Variants in NCOA2 observed in about 807,000 individuals in gnomAD.
NCOA2 encodes nuclear receptor coactivator 2.
Under a neutral mutation model 145.1 loss-of-function variants are expected in NCOA2, and 21 were observed. The observed-to-expected ratio is 0.14, with a 90% CI of 0.10 to 0.21. The LOEUF (loss-of-function observed/expected upper bound fraction) is 0.21. Ranked by LOEUF, NCOA2 falls within the 10% of genes least tolerant of loss-of-function variation. The pLI is 1.00. For missense variants in NCOA2, 1,472 were observed against 1,837.6 expected (o/e 0.80, Z 3.64); for synonymous variants, 619 against 637.5 (o/e 0.97, Z 0.44).
intron 19 of NCOA2, among the ~76,000 whole-genome samples, chr8:70,125,674 T>C (rs1349457368): frequency 6.6e-6 from 1 of 152,228 alleles, no homozygotes; most frequent in African/African-American, 2.4e-5. Context: ...TGGATCCACC[T>C]TTAAAAATAA....
intron 1 of NCOA2, among the ~76,000 whole-genome samples, chr8:70,321,381 A>G (rs1806043890): frequency 6.6e-6 from 1 of 151,354 alleles, no homozygotes; most frequent in Non-Finnish European, 1.5e-5. Flanking sequence ...GCTAATCTTG[A>G]ACCCCTGAGC....
chr8:70,255,185 A>T (rs1422455163), intron 2 of NCOA2, among the ~76,000 whole-genome samples: 1 of 152,190 alleles, frequency 6.6e-6, no homozygotes, highest in African/African-American at 2.4e-5. Flanking sequence ...CAATGATTGG[A>T]ACCCCCGAGT....
chr8:70,154,697 C>A (rs1279629490), intron 11 of NCOA2, among the ~76,000 whole-genome samples: 1 of 152,148 alleles, frequency 6.6e-6, no homozygotes, highest in Non-Finnish European at 1.5e-5. Context: ...GCCACCTCAC[C>A]CAGTCTGTTT....
At chr8:70,226,658 ATT>A (rs1820672518) in intron 2 of NCOA2, among the ~76,000 whole-genome samples, 1 of 59,868 alleles carries the variant, frequency 1.7e-5, no homozygotes, top group Non-Finnish European at 4.2e-5. Flanking sequence ...TGTTTTAATT[ATT>A]TATATATATA....
chr8:70,310,290 G>C (rs2135991361), intron 1 of NCOA2, among the ~76,000 whole-genome samples: 1 of 142,990 alleles, frequency 7.0e-6, no homozygotes, highest in South Asian at 2.2e-4. Context: ...GTTGCAGTGA[G>C]CCAAGATCAC....
At position 70,383,986 on chromosome 8, in the gene NCOA2, T is replaced by C. The variant is rs562256548; in HGVS notation, c.-77+19714A>G. On this transcript the variant is annotated intron_variant, in intron 1 of 22. Transcript: ENST00000452400. ...ATCAGGGAATTTAGCTATACCAAGT[T>C]TTCCATCACCTCTGAGAACATCAGT... Among the ~76,000 whole-genome samples the C allele has an allele frequency of 2.6e-5, 4 of 152,340 alleles. No homozygotes were observed. In the Middle Eastern group the frequency reaches 0.014, roughly 518 times the overall value.
At chr8:70,227,425 G>C (rs982177718) in intron 2 of NCOA2, among the ~76,000 whole-genome samples, 1 of 152,156 alleles carries the variant, frequency 6.6e-6, no homozygotes, top group African/African-American at 2.4e-5. Context: ...TTCCTTTCTA[G>C]GGTGAGTGTG....
intron 12 of NCOA2, among the ~76,000 whole-genome samples, chr8:70,147,363 G>T (rs764177591): frequency 6.6e-6 from 1 of 152,150 alleles, no homozygotes; most frequent in Admixed American, 6.5e-5. Context: ...AAAAGACCTA[G>T]CAATGAAAGA....
At chr8:70,233,815 G>C (rs2977988) in intron 2 of NCOA2, among the ~76,000 whole-genome samples, 108,571 of 152,004 alleles carry the variant, frequency 0.71, 41,013 homozygotes, top group Non-Finnish European at 0.84. Context: ...CATCTGGCTA[G>C]TTCTCTCCTC....
intron 2 of NCOA2, among the ~76,000 whole-genome samples, chr8:70,229,947 G>A (rs1442273898): frequency 6.6e-6 from 1 of 152,172 alleles, no homozygotes; most frequent in Admixed American, 6.5e-5. Flanking sequence ...GAGGGAGAAG[G>A]AAAAGAAGAG....
chr8:70,231,103 C>T (rs1321817873), intron 2 of NCOA2, among the ~76,000 whole-genome samples: 2 of 152,200 alleles, frequency 1.3e-5, no homozygotes, highest in African/African-American at 4.8e-5. Flanking sequence ...ATCAAAGGGT[C>T]TGACCATATT....
At chr8:70,347,717 C>T (rs1380747901) in intron 1 of NCOA2, among the ~76,000 whole-genome samples, 4 of 152,056 alleles carry the variant, frequency 2.6e-5, no homozygotes, top group Non-Finnish European at 5.9e-5. Flanking sequence ...AGCCCCGCTA[C>T]AGCACAATCA....
chr8:70,408,754 G>GGT (rs1251666132), upstream of NCOA2, among the ~76,000 whole-genome samples: 5 of 151,440 alleles, frequency 3.3e-5, no homozygotes, highest in African/African-American at 7.3e-5. Context: ...CAGGAATACA[G>GGT]GTGTGTGCCA....
At chr8:70,165,260 T>C (rs943728004) in intron 7 of NCOA2, among the ~76,000 whole-genome samples, 1 of 152,228 alleles carries the variant, frequency 6.6e-6, no homozygotes, top group Non-Finnish European at 1.5e-5. Flanking sequence ...AGCTCTAATA[T>C]TTCCTTCTCA....
intron 1 of NCOA2, among the ~76,000 whole-genome samples, chr8:70,345,074 C>G (rs1808497295): frequency 6.6e-6 from 1 of 152,124 alleles, no homozygotes. Context: ...GAATGAGGGC[C>G]TGTATATTAA....
intron 2 of NCOA2, among the ~76,000 whole-genome samples, chr8:70,241,530 C>CA (rs1213025279): frequency 6.6e-6 from 1 of 152,054 alleles, no homozygotes; most frequent in African/African-American, 2.4e-5. Context: ...CATTAAAAAA[C>CA]AAAAAATCAC....
At chr8:70,290,023 T>C (rs1009503065) in intron 2 of NCOA2, among the ~76,000 whole-genome samples, 2 of 151,750 alleles carry the variant, frequency 1.3e-5, no homozygotes, top group Non-Finnish European at 2.9e-5. Flanking sequence ...CGTATACTTC[T>C]TACTTTCTCT....
rs563512762 is a variant in NCOA2 at position 70,177,687 on chromosome 8, CCCAAGTCCTATTATTCTCTCAGGAT to C, written c.260-2853_260-2829del. Among the ~76,000 whole-genome samples, 320 of 152,192 alleles carry C rather than the reference CCCAAGTCCTATTATTCTCTCAGGAT, an allele frequency of 2.1e-3. 1 individual carries two copies. The highest frequency in any genetic ancestry group is 6.8e-3 in the African/African-American group (281 of 41,532). On this transcript the variant is annotated intron_variant, in intron 4 of 22. Coordinates refer to ENST00000452400, the MANE Select transcript of NCOA2 (RefSeq NM_006540.4). ...AAGGCATCTCATATTCTCTCAGGAT[CCCAAGTCCTATTATTCTCTCAGGAT>C]CCAAGTCCTATTTTATTCTTTTTAA...
chr8:70,156,019 T>C lies in NCOA2; in HGVS notation c.2346A>G (p.Ile782Met), dbSNP rs1812249289. Reference sequence around the variant, plus strand: ...TCTCCTCCTTCTCAGTTTTCATTGCTATTAATTTTGTGTTACTGGCAGGAT... The same window carrying C: ...TCTCCTCCTTCTCAGTTTTCATTGCCATTAATTTTGTGTTACTGGCAGGAT... ...KTDPASNTKL[I>M]AMKTEKEEMS... The change falls in exon 11 of 23, where the codon ATA becomes ATG. Residue 782 changes from isoleucine (I) to methionine (M), a missense_variant. By Grantham distance (10) the Ile-to-Met change is conservative. This residue lies in a region of NCOA2 where 953 missense variants were observed against 1,062.1 expected (regional missense o/e 0.90). Coordinates refer to ENST00000452400, the MANE Select transcript of NCOA2 (RefSeq NM_006540.4). The C allele has an allele frequency of 1.9e-6, 3 of 1,602,620 alleles. No individual in the cohort carries two copies. The highest frequency in any genetic ancestry group is 1.7e-6 in the Non-Finnish European group (2 of 1,176,426).
Sources: allele counts gnomAD v4.1 joint callset (sites outside exome capture counted in the v4.1 genomes callset), GRCh38; gene constraint gnomAD v4.1.1; regional missense constraint gnomAD v4.1.1; transcripts MANE v1.5; gene names NCBI Gene and HGNC (gene_info 2026-07-23, HGNC 2026-07-21).